The following VPS8 variants were observed in gnomAD, a reference collection of about 807,000 sequenced individuals.
VPS8 encodes vacuolar protein sorting-associated protein 8 homolog.
A neutral mutation model predicts 216.4 loss-of-function variants in VPS8; 129 were observed. The observed-to-expected ratio is 0.60, with a 90% CI of 0.52 to 0.69. The LOEUF is 0.69. Ranked by LOEUF, VPS8 falls within the 30% of genes least tolerant of loss-of-function variation. The probability of loss-of-function intolerance (pLI) is 0.00; values close to 1 mark genes in which losing one functional copy is unlikely to be tolerated. For missense variants in VPS8, 1,531 were observed against 1,683.5 expected (o/e 0.91, Z 1.59); for synonymous variants, 571 against 565.4 (o/e 1.01, Z -0.14).
chr3:184,856,888 A>G (rs1488056701), intron 14 of VPS8, among the ~76,000 whole-genome samples: 1 of 152,154 alleles, frequency 6.6e-6, no homozygotes, highest in Non-Finnish European at 1.5e-5. Context: ...CTTAAAAAAA[A>G]ACAAAAGAGG....
At chr3:184,850,427 G>T (rs1724029876) in intron 10 of VPS8, among the ~76,000 whole-genome samples, 1 of 152,158 alleles carries the variant, frequency 6.6e-6, no homozygotes, top group Non-Finnish European at 1.5e-5. Context: ...GAGGTGGTGT[G>T]CTCTGTCACC....
chr3:184,993,899 G>A, intron 42 of VPS8, 84 bp from the exon 43 acceptor site: 1 of 1,069,284 alleles, frequency 9.4e-7, no homozygotes, highest in Non-Finnish European at 1.3e-6. Flanking sequence ...ATACTTAAAA[G>A]CATTTGGCTT....
intron 38 of VPS8, 85 bp from the exon 39 acceptor site, chr3:184,966,586 C>T (rs766502690): frequency 5.1e-5 from 47 of 916,598 alleles, no homozygotes; most frequent in Non-Finnish European, 6.9e-5. Context: ...GAGGGGTTTA[C>T]CTTTAAAATA....
chr3:184,932,713 G>C (rs1301047359), intron 34 of VPS8, among the ~76,000 whole-genome samples: 1 of 152,024 alleles, frequency 6.6e-6, no homozygotes, highest in African/African-American at 2.4e-5. Context: ...CTTGAACTTT[G>C]TGAAAATGAA....
chr3:184,825,438 G>A (rs182365893), intron 2 of VPS8, among the ~76,000 whole-genome samples: 1 of 152,042 alleles, frequency 6.6e-6, no homozygotes, highest in East Asian at 1.9e-4. Context: ...ACAGCATGTT[G>A]CTTGACCTAA....
chr3:184,980,057 G>C (rs966527421), intron 40 of VPS8, among the ~76,000 whole-genome samples: 1 of 152,134 alleles, frequency 6.6e-6, no homozygotes, highest in Non-Finnish European at 1.5e-5. Context: ...ATGAGGTTTA[G>C]TTTGTTTGGA....
chr3:185,027,725 T>C (rs914590514), intron 46 of VPS8, among the ~76,000 whole-genome samples: 1 of 152,208 alleles, frequency 6.6e-6, no homozygotes, highest in African/African-American at 2.4e-5. Context: ...CCCAGCTCTT[T>C]GTCATTTTAG....
chr3:184,905,697 G>GT, intron 25 of VPS8, among the ~76,000 whole-genome samples: 1 of 147,280 alleles, frequency 6.8e-6, no homozygotes, highest in East Asian at 2.0e-4. Context: ...TATATAAAAA[G>GT]TAATAAAATC....
At chr3:184,849,844 C>A in intron 9 of VPS8, 92 bp from the exon 10 acceptor site, 1 of 932,828 alleles carries the variant, frequency 1.1e-6, no homozygotes, top group Non-Finnish European at 1.7e-6. Flanking sequence ...TGTTTATAGT[C>A]AAGGAATAGA....
chr3:185,023,716 A>G (rs112808063), intron 45 of VPS8, among the ~76,000 whole-genome samples: 294 of 152,280 alleles, frequency 1.9e-3, no homozygotes, highest in Middle Eastern at 0.01. Context: ...TATTGTCGCC[A>G]TCCTTTTCCT....
rs774800557 is a variant in VPS8 at position 184,956,310 on chromosome 3, T to TAA, written c.3036-1064_3036-1063insAA. 3.9e-4 allele frequency among the ~76,000 whole-genome samples: 59 copies of TAA among 152,184 alleles called. 1 individual carries two copies. The highest frequency in any genetic ancestry group is 5.3e-4 in the Non-Finnish European group (36 of 68,048). Reference sequence around the variant, plus strand: ...TGGTTACAAGTGTGCCTGCAGACTGTCTCAGCTCTTGGGACAACCAGAGTC... The same window carrying TAA: ...TGGTTACAAGTGTGCCTGCAGACTGTAACTCAGCTCTTGGGACAACCAGAGTC... On this transcript the variant is annotated intron_variant, in intron 36 of 47. Transcript: ENST00000625842.
chr3:184,877,071 C>A (rs1023174542), intron 21 of VPS8, among the ~76,000 whole-genome samples: 1 of 152,186 alleles, frequency 6.6e-6, no homozygotes, highest in African/African-American at 2.4e-5. Context: ...TTTCCAGTGT[C>A]TTAACATCCC....
At position 184,930,544 on chromosome 3, in the gene VPS8, G is replaced by T; in HGVS notation, c.2874G>T (p.Trp958Cys). The T allele has an allele frequency of 6.2e-7, 1 of 1,613,076 alleles. No individual in the cohort carries two copies. The highest frequency in any genetic ancestry group is 8.5e-7 in the Non-Finnish European group (1 of 1,179,180). Residue 958 changes from tryptophan (W) to cysteine (C), a missense_variant, in exon 34 of 48, where the codon TGG (tryptophan) becomes TGT (cysteine). This residue lies in a region of VPS8 where 1,318 missense variants were observed against 1,468.4 expected (regional missense o/e 0.90). Coordinates refer to ENST00000625842, the MANE Select transcript of VPS8 (RefSeq NM_001009921.3). Reference sequence around the variant, plus strand: ...GTGCAGAGGAGAAGCAGTCTGTATGGCAGAAAGCAATGGATCATATTGAGG... The same window carrying T: ...GTGCAGAGGAGAAGCAGTCTGTATGTCAGAAAGCAATGGATCATATTGAGG... The part of the protein sequence containing the change: ...GHSAEEKQSV[W>C]QKAMDHIEEL...
chr3:184,956,420 T>C (rs1357234442), intron 36 of VPS8, among the ~76,000 whole-genome samples: 1 of 152,252 alleles, frequency 6.6e-6, no homozygotes, highest in East Asian at 1.9e-4. Flanking sequence ...ACCTGGAAAC[T>C]ACTTCTTTAG....
At chr3:184,835,079 GTT>G in intron 5 of VPS8, 1 of 157,206 alleles carries the variant, frequency 6.4e-6, no homozygotes, top group Non-Finnish European at 1.3e-5. Flanking sequence ...TTGTGTGCTT[GTT>G]TTTTTTTTCT....
chr3:184,994,093 T>C (rs766741317), intron 43 of VPS8, 30 bp downstream of exon 43: 14 of 1,430,654 alleles, frequency 9.8e-6, no homozygotes, highest in Non-Finnish European at 1.3e-5. Context: ...CATCTAAGTC[T>C]GTCCTAAGGT....
At chr3:185,012,855 C>T (rs1244502697) in intron 45 of VPS8, among the ~76,000 whole-genome samples, 1 of 152,186 alleles carries the variant, frequency 6.6e-6, no homozygotes, top group Non-Finnish European at 1.5e-5. Context: ...AATCAGGGGT[C>T]TCACAGCCTT....
chr3:184,977,546 A>G (rs1054034712), intron 40 of VPS8, among the ~76,000 whole-genome samples: 4 of 152,056 alleles, frequency 2.6e-5, no homozygotes, highest in African/African-American at 9.7e-5. Context: ...ATTAAGAATA[A>G]TATTTCCTAG....
In VPS8 at chr3:184,894,906, C is replaced by G; in HGVS notation, c.1985C>G (p.Thr662Ser). The G allele has an allele frequency of 1.2e-6, 2 of 1,605,742 alleles. No homozygotes were observed. Among genetic ancestry groups the G allele is most frequent in the Non-Finnish European group, 1.7e-6 (2 of 1,176,402 alleles). Residue 662 changes from threonine to serine, a missense_variant, in exon 23 of 48, where the codon ACC (threonine) becomes AGC (serine). Transcript: ENST00000625842. ...VEALIVHMDI[T>S]SLDIQQVVLM... ...GCGCTCATTGTACATATGGATATCA[C>G]CAGCCTAGATATTCAGCAGGTGAGT...
Sources: allele counts gnomAD v4.1 joint callset (sites outside exome capture counted in the v4.1 genomes callset), GRCh38; gene constraint gnomAD v4.1.1; regional missense constraint gnomAD v4.1.1; transcripts MANE v1.5; gene names NCBI Gene and HGNC (gene_info 2026-07-23, HGNC 2026-07-21).